HECW2: variants seen among roughly 807,000 people sequenced by gnomAD.
HECW2 encodes E3 ubiquitin-protein ligase HECW2.
HECW2 carries 61 observed loss-of-function variants against 175.2 expected under a neutral mutation model. The ratio of observed to expected loss-of-function variants is 0.35; its 90% CI spans 0.28 to 0.43. HECW2 has a LOEUF of 0.43. Ranked by LOEUF, HECW2 falls within the 20% of genes least tolerant of loss-of-function variation. The probability of loss-of-function intolerance (pLI) is 1.00; values close to 1 mark genes in which losing one functional copy is unlikely to be tolerated. For missense variants in HECW2, 1,524 were observed against 2,000.5 expected, an observed-to-expected ratio of 0.76 and a Z score of 4.54; for synonymous variants, 671 against 731.0, an observed-to-expected ratio of 0.92 and a Z score of 1.32.
chr2:196,391,046 T>C (rs1453901213), intron 2 of HECW2, among the ~76,000 whole-genome samples: 1 of 152,042 alleles, frequency 6.6e-6, no homozygotes, highest in African/African-American at 2.4e-5. Context: ...ATCACTGAGC[T>C]CCACTGACCT....
intron 15 of HECW2, among the ~76,000 whole-genome samples, chr2:196,276,927 T>C (rs1054274520): frequency 6.6e-6 from 1 of 152,298 alleles, no homozygotes. Context: ...TTTTTTCTTA[T>C]ACAAAATATA....
intron 2 of HECW2, among the ~76,000 whole-genome samples, chr2:196,416,677 A>ATG (rs1452574380): frequency 6.6e-6 from 1 of 152,238 alleles, no homozygotes; most frequent in African/African-American, 2.4e-5. Flanking sequence ...CAAACCCTGC[A>ATG]TGTGTGACCC....
intron 1 of HECW2, among the ~76,000 whole-genome samples, chr2:196,546,139 C>T (rs1308011151): frequency 2.6e-5 from 4 of 152,196 alleles, no homozygotes; most frequent in Admixed American, 2.6e-4. Context: ...AATTTATCTC[C>T]TATTACAGCT....
intron 14 of HECW2, among the ~76,000 whole-genome samples, chr2:196,285,588 T>C (rs1228602184): frequency 6.6e-6 from 1 of 152,228 alleles, no homozygotes; most frequent in African/African-American, 2.4e-5. Context: ...ACCCATTCTC[T>C]TCCTTCCAAA....
intron 19 of HECW2, among the ~76,000 whole-genome samples, chr2:196,251,053 C>G (rs1902269): frequency 0.57 from 87,037 of 151,978 alleles, 27,525 homozygotes; most frequent in Non-Finnish European, 0.7. Context: ...CCCTATCCCC[C>G]TTTTGAGACA....
intron 13 of HECW2, among the ~76,000 whole-genome samples, chr2:196,294,000 T>C (rs1173649547): frequency 1.3e-5 from 2 of 152,332 alleles, no homozygotes; most frequent in Admixed American, 1.3e-4. Flanking sequence ...CAGGCTGAGG[T>C]GCCTGGGCTG....
chr2:196,432,476 G>A (rs1695744222), intron 2 of HECW2, among the ~76,000 whole-genome samples: 1 of 152,144 alleles, frequency 6.6e-6, no homozygotes, highest in Admixed American at 6.5e-5. Context: ...CGTACTTTTT[G>A]GGATGTTTCA....
At chr2:196,409,167 T>C (rs926670717) in intron 2 of HECW2, among the ~76,000 whole-genome samples, 2 of 152,136 alleles carry the variant, frequency 1.3e-5, no homozygotes, top group African/African-American at 4.8e-5. Context: ...CCATGGCACT[T>C]GGCTAGAAAG....
intron 1 of HECW2, among the ~76,000 whole-genome samples, chr2:196,461,224 A>C (rs1456360220): frequency 6.6e-6 from 1 of 152,186 alleles, no homozygotes; most frequent in Non-Finnish European, 1.5e-5. Context: ...GAGATTAAAA[A>C]CATGTCAGAA....
At chr2:196,321,209 C>G (rs989366946) in intron 7 of HECW2, among the ~76,000 whole-genome samples, 5 of 152,186 alleles carry the variant, frequency 3.3e-5, no homozygotes, top group Non-Finnish European at 7.3e-5. Flanking sequence ...TATCCCAGAT[C>G]TGGAAGCAGG....
At chr2:196,296,315 G>A (rs186390764) in intron 13 of HECW2, among the ~76,000 whole-genome samples, 20 of 152,168 alleles carry the variant, frequency 1.3e-4, no homozygotes, top group Non-Finnish European at 2.4e-4. Context: ...CTGTAATATG[G>A]GATAATAATA....
At chr2:196,228,344 G>T in intron 21 of HECW2, 90 bp from the exon 22 acceptor site, 1 of 1,171,786 alleles carries the variant, frequency 8.5e-7, no homozygotes, top group Non-Finnish European at 1.2e-6. Flanking sequence ...TCCATAGGAT[G>T]CTCATTACAA....
intron 17 of HECW2, chr2:196,258,240 C>A: frequency 4.0e-6 from 1 of 249,554 alleles, no homozygotes. Context: ...GACTGTGGGC[C>A]TGAATTTTAG....
rs1320982210 is a variant in HECW2, at chr2:196,318,975, C to G, written c.1915G>C (p.Glu639Gln). The change falls in exon 9 of 29, where the codon GAA (glutamate) becomes CAA (glutamine). Residue 639 changes from glutamate (E) to glutamine (Q), a missense_variant. Transcript: ENST00000644978. ...STRPEGESDL[E>Q]CADSSCNESV... The stretch of plus-strand genomic sequence containing the variant: ...TCATTGCAGGAGCTGTCAGCGCATT[C>G]CAGGTCACTCTCTCCCTCAGGCCTG... 1 of 1,613,410 alleles carries G rather than the reference C, an allele frequency of 6.2e-7. No individual in the cohort carries two copies.
At chr2:196,226,532 C>T (rs767853370) in intron 22 of HECW2, among the ~76,000 whole-genome samples, 4 of 152,204 alleles carry the variant, frequency 2.6e-5, no homozygotes, top group Non-Finnish European at 4.4e-5. Flanking sequence ...TCCACCTTCA[C>T]TGCATATCAA....
intron 1 of HECW2, among the ~76,000 whole-genome samples, chr2:196,576,534 A>G (rs1690568948): frequency 6.6e-6 from 1 of 152,212 alleles, no homozygotes; most frequent in Non-Finnish European, 1.5e-5. Flanking sequence ...AGAGTAGAAT[A>G]GTGGTTGCCA....
At chr2:196,252,319 A>G (rs571715940) in intron 19 of HECW2, among the ~76,000 whole-genome samples, 1 of 151,876 alleles carries the variant, frequency 6.6e-6, no homozygotes, top group African/African-American at 2.4e-5. Context: ...TTCCTACACT[A>G]CTTTCATGCT....
intron 28 of HECW2, among the ~76,000 whole-genome samples, chr2:196,209,913 A>G (rs577294865): frequency 9.3e-4 from 141 of 151,944 alleles, no homozygotes; most frequent in African/African-American, 2.7e-3. Context: ...ACAGGCGCCC[A>G]CCACCACGCC....
intron 2 of HECW2, among the ~76,000 whole-genome samples, chr2:196,432,521 G>C (rs1695746346): frequency 1.3e-5 from 2 of 152,172 alleles, no homozygotes; most frequent in South Asian, 4.1e-4. Flanking sequence ...AGTTCACTAA[G>C]AACAACAAGC....
Sources: allele counts gnomAD v4.1 joint callset (sites outside exome capture counted in the v4.1 genomes callset), GRCh38; gene constraint gnomAD v4.1.1; transcripts MANE v1.5; gene names NCBI Gene and HGNC (gene_info 2026-07-23, HGNC 2026-07-21).